Variants in RABGEF1 observed in about 807,000 individuals in gnomAD.
RABGEF1 encodes the protein RAB guanine nucleotide exchange factor 1.
Under a neutral mutation model 57.3 loss-of-function variants are expected in RABGEF1, and 26 were observed. The observed-to-expected ratio is 0.45, with a 90% CI of 0.33 to 0.63. RABGEF1 has a LOEUF of 0.63. Ranked by LOEUF, RABGEF1 falls within the 20% of genes least tolerant of loss-of-function variation. RABGEF1 has a pLI of 0.02. For missense variants in RABGEF1, 464 were observed against 607.6 expected (o/e 0.76, Z 2.48); for synonymous variants, 185 against 210.7 (o/e 0.88, Z 1.06).
chr7:66,686,845 G>A (rs1790715610), intron 1 of RABGEF1, among the ~76,000 whole-genome samples: 2 of 148,678 alleles, frequency 1.3e-5, no homozygotes, highest in South Asian at 2.1e-4. Context: ...TTTTTGAGAT[G>A]GAGTCTTCCC....
At chr7:66,698,429 C>G (rs1792694614) in intron 1 of RABGEF1, among the ~76,000 whole-genome samples, 1 of 152,200 alleles carries the variant, frequency 6.6e-6, no homozygotes, top group African/African-American at 2.4e-5. Context: ...GTGCAAGGTC[C>G]CCACCCACCA....
chr7:66,795,416 G>A, intron 4 of RABGEF1, 95 bp from the exon 5 acceptor site: 1 of 1,022,446 alleles, frequency 9.8e-7, no homozygotes. Context: ...CTTACTACCA[G>A]TACAAGGAAT....
chr7:66,723,092 C>T (rs1236749470), intron 2 of RABGEF1, among the ~76,000 whole-genome samples: 2 of 152,130 alleles, frequency 1.3e-5, no homozygotes, highest in African/African-American at 2.4e-5. Context: ...CCTCAGCCTC[C>T]CTGGTAGCTG....
At position 66,783,834 on chromosome 7, in the gene RABGEF1, A is replaced by G; in HGVS notation, c.506A>G (p.Tyr169Cys). 1.2e-6 allele frequency: 2 copies of G among 1,612,608 alleles called. No homozygotes were observed. Among genetic ancestry groups the G allele is most frequent in the Non-Finnish European group, 8.5e-7 (1 of 1,179,072 alleles). ...QTKLFLEGMH[Y>C]KRDLSIEEQS... is the part of the protein sequence containing the mutation. ...AAGCTGTTTTTGGAAGGAATGCATT[A>G]CAAAAGGGTAGGTTGAGAATAACCA... is the stretch of plus-strand genomic sequence containing the variant. The change falls in exon 4 of 9, where the codon TAC (tyrosine) becomes TGC (cysteine). Residue 169 changes from tyrosine (Y) to cysteine (C), a missense_variant. This residue lies in a region of RABGEF1 where 284 missense variants were observed against 389.9 expected (regional missense o/e 0.73). Coordinates refer to ENST00000284957, the MANE Select transcript of RABGEF1 (RefSeq NM_014504.3).
chr7:66,783,063 AGTG>A (rs1562846455), intron 3 of RABGEF1, among the ~76,000 whole-genome samples: 5 of 152,180 alleles, frequency 3.3e-5, no homozygotes, highest in African/African-American at 1.2e-4. Flanking sequence ...GGGATAGTGT[AGTG>A]CATGTTTCCC....
At chr7:66,796,886 C>G (rs2129174410) in intron 5 of RABGEF1, 1 of 446,016 alleles carries the variant, frequency 2.2e-6, no homozygotes, top group Middle Eastern at 6.6e-4. Flanking sequence ...GCCACCGCAC[C>G]CAGCTGGTAA....
chr7:66,798,325 C>G (rs900276745), intron 6 of RABGEF1, among the ~76,000 whole-genome samples: 1 of 152,154 alleles, frequency 6.6e-6, no homozygotes, highest in Non-Finnish European at 1.5e-5. Flanking sequence ...AGTGTGGGAA[C>G]AGGGCCAAGG....
intron 1 of RABGEF1, among the ~76,000 whole-genome samples, chr7:66,705,127 G>A (rs1185786743): frequency 1.3e-5 from 2 of 152,056 alleles, no homozygotes; most frequent in Admixed American, 6.6e-5. Context: ...ATGGCCGGGC[G>A]CGGTGGCTCA....
At chr7:66,667,176 A>G in the RABGEF1 span, among the ~76,000 whole-genome samples, 1 of 152,160 alleles carries the variant, frequency 6.6e-6, no homozygotes, top group East Asian at 1.9e-4. Context: ...GAGGTTTGCC[A>G]CCTGAGCCCG....
chr7:66,803,854 A>T (rs937671748), intron 7 of RABGEF1, among the ~76,000 whole-genome samples: 4 of 151,006 alleles, frequency 2.6e-5, no homozygotes, highest in Non-Finnish European at 5.9e-5. Context: ...GTGCCACTGT[A>T]CTCTAGCCGG....
intron 1 of RABGEF1, among the ~76,000 whole-genome samples, chr7:66,765,756 TCTAACA>T (rs1201508977): frequency 6.6e-6 from 1 of 152,110 alleles, no homozygotes; most frequent in Non-Finnish European, 1.5e-5. Context: ...AGCAAAAGAC[TCTAACA>T]CAGTTGGAGG....
upstream of RABGEF1, among the ~76,000 whole-genome samples, chr7:66,679,164 GA>G: frequency 6.6e-6 from 1 of 152,196 alleles, no homozygotes; most frequent in Non-Finnish European, 1.5e-5. Flanking sequence ...AGCGGTGTCA[GA>G]AGGGTCTTCC....
intron 4 of RABGEF1, among the ~76,000 whole-genome samples, chr7:66,791,542 C>T (rs186999098): frequency 6.6e-6 from 1 of 152,252 alleles, no homozygotes; most frequent in African/African-American, 2.4e-5. Flanking sequence ...CAGTTAACAG[C>T]AGTACAGACA....
chr7:66,732,562 G>T (rs1375238710), intron 2 of RABGEF1, among the ~76,000 whole-genome samples: 3 of 152,080 alleles, frequency 2.0e-5, no homozygotes, highest in Non-Finnish European at 2.9e-5. Context: ...GATCCTCTGG[G>T]TGTCTCATCT....
intron 7 of RABGEF1, among the ~76,000 whole-genome samples, chr7:66,801,094 C>T (rs1562880510): frequency 6.6e-6 from 1 of 152,174 alleles, no homozygotes; most frequent in Non-Finnish European, 1.5e-5. Context: ...GTCGAACACT[C>T]TTTAGGACTT....
intron 1 of RABGEF1, among the ~76,000 whole-genome samples, chr7:66,690,179 G>A (rs991443586): frequency 6.2e-5 from 9 of 145,268 alleles, no homozygotes; most frequent in African/African-American, 1.5e-4. Context: ...TTGGCTCACT[G>A]CAACCTCTGC....
rs554333904 is a variant in RABGEF1 at position 66,761,175 on chromosome 7, C to T, written c.-17-10708C>T. ...ATGACCATATGTGTTGGGTTTCTTC[C>T]CCTACACACCACACCAGCTGGGTGT... On this transcript the variant is annotated intron_variant, in intron 1 of 8. Transcript: ENST00000284957. 3.4e-4 allele frequency among the ~76,000 whole-genome samples: 52 copies of T among 152,218 alleles called. 1 individual carries two copies. The highest frequency in any genetic ancestry group is 2.3e-3 in the Admixed American group (35 of 15,304).
intron 1 of RABGEF1, among the ~76,000 whole-genome samples, chr7:66,771,381 C>T (rs139072354): frequency 4.3e-4 from 65 of 152,266 alleles, no homozygotes; most frequent in African/African-American, 1.5e-3. Flanking sequence ...TTTTGTTATC[C>T]GCCCTCCTCA....
intron 5 of RABGEF1, among the ~76,000 whole-genome samples, chr7:66,795,873 T>A (rs1334830657): frequency 6.6e-6 from 1 of 152,148 alleles, no homozygotes; most frequent in Non-Finnish European, 1.5e-5. Context: ...GCTCAGTAGC[T>A]CATGCCTGTA....
Sources: allele counts gnomAD v4.1 joint callset (sites outside exome capture counted in the v4.1 genomes callset), GRCh38; gene constraint gnomAD v4.1.1; regional missense constraint gnomAD v4.1.1; transcripts MANE v1.5; gene names NCBI Gene and HGNC (gene_info 2026-07-23, HGNC 2026-07-21).